ZNF2: variants seen among roughly 807,000 people sequenced by gnomAD.
The protein encoded by ZNF2 is zinc finger protein 2.2.
A neutral mutation model predicts 21.9 loss-of-function variants in ZNF2; 12 were observed. The observed-to-expected ratio is 0.55, with a 90% CI of 0.35 to 0.89. The LOEUF is 0.89. Ranked by LOEUF, ZNF2 falls within the 40% of genes least tolerant of loss-of-function variation. The probability of loss-of-function intolerance (pLI) is 0.01; values close to 1 mark genes in which losing one functional copy is unlikely to be tolerated. For missense variants in ZNF2, 462 were observed against 544.2 expected (o/e 0.85, Z 1.50); for synonymous variants, 186 against 196.3 (o/e 0.95, Z 0.44).
chr2:95,180,941 C>T, intron 4 of ZNF2, 162 bp from the exon 5 acceptor site: 1 of 801,802 alleles, frequency 1.2e-6, no homozygotes, highest in Non-Finnish European at 2.0e-6. Flanking sequence ...CTGCCACCTT[C>T]TTCACTCCCA....
At chr2:95,176,794 G>C (rs1350486255) in intron 2 of ZNF2, among the ~76,000 whole-genome samples, 2 of 152,168 alleles carry the variant, frequency 1.3e-5, no homozygotes, top group Non-Finnish European at 2.9e-5. Context: ...AGACACACTG[G>C]AGACTCATCT....
chr2:95,177,139 TAG>T (rs1395604714), intron 2 of ZNF2, among the ~76,000 whole-genome samples: 1 of 152,200 alleles, frequency 6.6e-6, no homozygotes, highest in African/African-American at 2.4e-5. Context: ...AATGTGTATC[TAG>T]AGAGAGACAG....
At position 95,181,685 on chromosome 2, in the gene ZNF2, A is replaced by G; in HGVS notation, c.857A>G (p.Glu286Gly). ...QRIHTGESPYECHQCGKAFSQ... is the reference protein window; with the variant it reads ...QRIHTGESPYGCHQCGKAFSQ... ...ATTCACACTGGAGAAAGTCCTTATG[A>G]ATGTCATCAGTGTGGGAAAGCCTTT... Residue 286 changes from glutamate to glycine, a missense_variant, in exon 5 of 5, where the codon GAA (glutamate) becomes GGA (glycine). Coordinates refer to ENST00000614034, the MANE Select transcript of ZNF2 (RefSeq NM_021088.4). 2 of 1,614,218 alleles carry G rather than the reference A, an allele frequency of 1.2e-6. No homozygotes were observed. The highest frequency in any genetic ancestry group is 2.2e-5 in the South Asian group (2 of 91,080).
chr2:95,183,859 A>T lies in ZNF2; in HGVS notation c.*1753A>T, dbSNP rs1674772985. On this transcript the variant is annotated 3_prime_UTR_variant, in exon 5 of 5. Coordinates refer to ENST00000614034, the MANE Select transcript of ZNF2 (RefSeq NM_021088.4). ...ATGGTCTCAATCTCCTGACCTCGTG[A>T]TCCGCCCGCCTCGGCCTCCCAAAGT... The T allele has an allele frequency of 6.6e-6, 1 of 151,910 alleles. No homozygotes were observed. The highest frequency in any genetic ancestry group is 1.5e-5 in the Non-Finnish European group (1 of 68,000). The allele number at this position is 151,910 out of a possible 1,614,324, so 9.4% of individuals were successfully genotyped here. A position where few individuals can be genotyped will look rare whatever the true frequency, so the allele number is the denominator to read the frequency against.
At chr2:95,170,928 A>G (rs901709635) in intron 1 of ZNF2, among the ~76,000 whole-genome samples, 1 of 152,246 alleles carries the variant, frequency 6.6e-6, no homozygotes, top group African/African-American at 2.4e-5. Context: ...TTACATACTT[A>G]TATGAGTAGA....
intron 1 of ZNF2, among the ~76,000 whole-genome samples, chr2:95,169,121 A>T (rs142200361): frequency 0.013 from 1,920 of 152,298 alleles, 25 homozygotes; most frequent in Non-Finnish European, 0.021. Context: ...CTTCAGTGTC[A>T]GTGAGCTTAC....
intron 1 of ZNF2, among the ~76,000 whole-genome samples, chr2:95,172,477 AT>A (rs771933050): frequency 1.8e-4 from 28 of 152,194 alleles, no homozygotes; most frequent in East Asian, 3.8e-4. Flanking sequence ...GTTGAAAAAA[AT>A]ATATGAAGAA....
At chr2:95,180,534 G>A (rs1674603619) in intron 4 of ZNF2, among the ~76,000 whole-genome samples, 1 of 145,908 alleles carries the variant, frequency 6.9e-6, no homozygotes, top group African/African-American at 2.5e-5. Flanking sequence ...TTTTGAGACA[G>A]AGTCTCGCTC....
Position 95,176,138 on chromosome 2 carries a change from A to G in ZNF2, c.-39-50A>G, listed in dbSNP as rs1252757725. 6.7e-6 allele frequency: 10 copies of G among 1,500,260 alleles called. No individual in the cohort carries two copies. In the Admixed American group the frequency reaches 1.0e-4, roughly 15 times the overall value. 92.9% of individuals were successfully genotyped at this position (1,500,260 alleles called of 1,614,324 possible). On this transcript the variant is annotated intron_variant, in intron 1 of 4. Transcript: ENST00000614034. Reference sequence around the variant, plus strand: ...ATGGGTCAAAAGACTATGCGACAGGACTGGTCTTTCTCCTACCTTCTTTCT... The same window carrying G: ...ATGGGTCAAAAGACTATGCGACAGGGCTGGTCTTTCTCCTACCTTCTTTCT...
Position 95,181,214 on chromosome 2 carries a change from C to T in ZNF2, c.386C>T (p.Thr129Ile), listed in dbSNP as rs1420323765. The T allele has an allele frequency of 1.2e-6, 2 of 1,614,214 alleles. No homozygotes were observed. The highest frequency in any genetic ancestry group is 1.7e-6 in the Non-Finnish European group (2 of 1,180,052). ...CTGTGTCCTAAATTTGAAGTTCATA[C>T]ACCCAATGGCAGGATGGGAACAGAA... The part of the protein sequence containing the change: ...SPLCPKFEVH[T>I]PNGRMGTEKQ... Residue 129 changes from threonine (T) to isoleucine (I), a missense_variant, in exon 5 of 5, where the codon ACA becomes ATA. Thr to Ile is a moderately conservative substitution (Grantham distance 89). Transcript: ENST00000614034.
rs184843669 is a variant in ZNF2, at chr2:95,169,493, G to T, written c.-40+3633G>T. On this transcript the variant is annotated intron_variant, in intron 1 of 4. Coordinates refer to ENST00000614034, the MANE Select transcript of ZNF2 (RefSeq NM_021088.4). ...AACTCGGCCAGGCGCAGTGGCTCAT[G>T]CCTATAATCTCAGCACTTTGGGATG... Among the ~76,000 whole-genome samples, 709 of 152,308 alleles carry T rather than the reference G, an allele frequency of 4.7e-3. 2 individuals carry two copies. Among genetic ancestry groups the T allele is most frequent in the Non-Finnish European group, 6.8e-3 (463 of 68,036 alleles).
intron 4 of ZNF2, 84 bp downstream of exon 4, chr2:95,180,356 T>A: frequency 3.5e-6 from 3 of 866,302 alleles, no homozygotes; most frequent in Non-Finnish European, 5.5e-6. Context: ...GGTATCATCT[T>A]TCTCTCAAAT....
In ZNF2 at chr2:95,180,973, T is replaced by A. The variant is rs573107393; in HGVS notation, c.275-130T>A. 5 of 1,134,222 alleles carry A rather than the reference T, an allele frequency of 4.4e-6. No individual in the cohort carries two copies. In the South Asian group the frequency reaches 7.7e-5, roughly 18 times the overall value. The allele number at this position is 1,134,222 out of a possible 1,614,324, so 70.3% of individuals were successfully genotyped here. On this transcript the variant is annotated intron_variant, in intron 4 of 4. Coordinates refer to ENST00000614034, the MANE Select transcript of ZNF2 (RefSeq NM_021088.4). Reference sequence around the variant, plus strand: ...CCCAGGTCTTAGTCCCTCCCTGCCGTGTAAGACTATCTATGGGAGCAAGCA... The same window carrying A: ...CCCAGGTCTTAGTCCCTCCCTGCCGAGTAAGACTATCTATGGGAGCAAGCA...
In ZNF2 at chr2:95,181,886, G is replaced by C. The variant is rs754735343; in HGVS notation, c.1058G>C (p.Arg353Pro). The change falls in exon 5 of 5, where the codon CGC (arginine) becomes CCC (proline). Residue 353 changes from arginine (R) to proline (P), a missense_variant. Transcript: ENST00000614034. ...GAGTGTGGCAAAGCTTTCTTTGACC[G>C]CTCATCCCTTACACAGCATCAGAAG... ...CNECGKAFFD[R>P]SSLTQHQKIH... The C allele has an allele frequency of 1.2e-6, 2 of 1,613,866 alleles. No homozygotes were observed. Among genetic ancestry groups the C allele is most frequent in the Non-Finnish European group, 1.7e-6 (2 of 1,179,990 alleles).
chr2:95,179,851 G>T (rs894898601), intron 3 of ZNF2, among the ~76,000 whole-genome samples: 9 of 152,192 alleles, frequency 5.9e-5, no homozygotes, highest in African/African-American at 2.2e-4. Context: ...GAGGTCAGGA[G>T]TTCGAAACCA....
chr2:95,172,340 G>A (rs1053871850), intron 1 of ZNF2, among the ~76,000 whole-genome samples: 2 of 152,116 alleles, frequency 1.3e-5, no homozygotes, highest in Non-Finnish European at 1.5e-5. Context: ...AGCTGCCAGC[G>A]AAGGGCCAGC....
At position 95,182,461 on chromosome 2, in the gene ZNF2, A is replaced by ATT; in HGVS notation, c.*365_*366dup. The ATT allele has an allele frequency of 4.1e-5, 7 of 170,486 alleles. No individual in the cohort carries two copies. The highest frequency in any genetic ancestry group is 8.6e-5 in the Non-Finnish European group (7 of 80,966). The allele number at this position is 170,486 out of a possible 1,614,324, so 10.6% of individuals were successfully genotyped here. A position where few individuals can be genotyped will look rare whatever the true frequency, so the allele number is the denominator to read the frequency against. On this transcript the variant is annotated 3_prime_UTR_variant, in exon 5 of 5. Coordinates refer to ENST00000614034, the MANE Select transcript of ZNF2 (RefSeq NM_021088.4). ...GGCAGAATGATATCACAGCAGTACT[A>ATT]TTTTTTTTTTTCAGAACATTTGTTT...
At chr2:95,171,296 CG>C (rs1448330685) in intron 1 of ZNF2, among the ~76,000 whole-genome samples, 2 of 152,050 alleles carry the variant, frequency 1.3e-5, no homozygotes, top group Non-Finnish European at 2.9e-5. Flanking sequence ...TTATCCATGC[CG>C]CATTGGTAAC....
intron 1 of ZNF2, among the ~76,000 whole-genome samples, 155 bp downstream of exon 1, chr2:95,166,015 C>T (rs959244384): frequency 1.3e-5 from 2 of 152,024 alleles, no homozygotes; most frequent in Non-Finnish European, 2.9e-5. Flanking sequence ...TCGGTGCGGA[C>T]GGAAAGTTGT....
Sources: gnomAD v4.1 joint callset for allele counts (sites outside exome capture counted in the v4.1 genomes callset) on GRCh38, gnomAD v4.1.1 for gene constraint, MANE v1.5 for transcripts, NCBI Gene and HGNC (gene_info 2026-07-23, HGNC 2026-07-21) for gene names.